FAM222A: variants seen among roughly 807,000 people sequenced by gnomAD.
FAM222A encodes protein FAM222A.
Under a neutral mutation model 25.8 loss-of-function variants are expected in FAM222A, and 7 were observed. That is an observed-to-expected ratio of 0.27 (90% CI 0.15 to 0.51). The LOEUF (loss-of-function observed/expected upper bound fraction) is 0.51. Ranked by LOEUF, FAM222A falls within the 20% of genes least tolerant of loss-of-function variation. The pLI is 0.97. For synonymous variants in FAM222A, 294 were observed against 298.8 expected, an observed-to-expected ratio of 0.98 and a Z score of 0.17; for missense variants, 573 against 640.5, an observed-to-expected ratio of 0.89 and a Z score of 1.14.
rs1433927082 is a variant in FAM222A, at chr12:109,768,872, G to T, written c.943G>T (p.Ala315Ser). 2.5e-6 allele frequency: 4 copies of T among 1,582,828 alleles called. No individual in the cohort carries two copies. The highest frequency in any genetic ancestry group is 3.4e-6 in the Non-Finnish European group (4 of 1,171,740). The change falls in exon 3 of 3, where the codon GCT (alanine) becomes TCT (serine). Residue 315 changes from alanine (A) to serine (S), a missense_variant. Ala to Ser is a moderately conservative substitution (Grantham distance 99). This residue lies in a region of FAM222A where 412 missense variants were observed against 407.0 expected (regional missense o/e 1.01). Coordinates refer to ENST00000538780, the MANE Select transcript of FAM222A (RefSeq NM_032829.3). ...GSTVASKSPE[A>S]CGGRAYERAS... is the part of the protein sequence containing the mutation. Reference sequence around the variant, plus strand: ...CACGGTGGCCAGCAAGTCCCCTGAGGCTTGCGGGGGCCGGGCATACGAGCG... The same window carrying T: ...CACGGTGGCCAGCAAGTCCCCTGAGTCTTGCGGGGGCCGGGCATACGAGCG...
intron 2 of FAM222A, among the ~76,000 whole-genome samples, chr12:109,758,500 C>T (rs1888797601): frequency 6.6e-6 from 1 of 152,152 alleles, no homozygotes; most frequent in Admixed American, 6.5e-5. Context: ...CTCAGGGGCC[C>T]TCAGGCTACC....
At chr12:109,732,052 A>G (rs1344301216) in intron 1 of FAM222A, among the ~76,000 whole-genome samples, 1 of 152,146 alleles carries the variant, frequency 6.6e-6, no homozygotes. Context: ...GGCTGTAGTC[A>G]CATCACAGTA....
chr12:109,718,789 A>G (rs1408298061), intron 1 of FAM222A, among the ~76,000 whole-genome samples: 1 of 152,246 alleles, frequency 6.6e-6, no homozygotes, highest in African/African-American at 2.4e-5. Flanking sequence ...GACTATAATT[A>G]TAAGCTACTG....
intron 1 of FAM222A, among the ~76,000 whole-genome samples, chr12:109,736,773 A>G (rs894132725): frequency 1.3e-5 from 2 of 152,160 alleles, no homozygotes; most frequent in African/African-American, 4.8e-5. Flanking sequence ...TGACATCACT[A>G]TGCTCTCAGG....
intron 2 of FAM222A, among the ~76,000 whole-genome samples, chr12:109,745,217 G>A (rs1027111573): frequency 1.3e-5 from 2 of 152,180 alleles, no homozygotes; most frequent in African/African-American, 4.8e-5. Context: ...AAATATGTAT[G>A]GAGACGCATA....
chr12:109,727,240 T>G, intron 1 of FAM222A, among the ~76,000 whole-genome samples: 2 of 150,402 alleles, frequency 1.3e-5, no homozygotes, highest in South Asian at 2.1e-4. Flanking sequence ...GCCAGCAGAG[T>G]GGGGAGAGGG....
At chr12:109,724,622 G>A (rs1030338989) in intron 1 of FAM222A, among the ~76,000 whole-genome samples, 4 of 152,180 alleles carry the variant, frequency 2.6e-5, no homozygotes, top group South Asian at 2.1e-4. Context: ...GCCAGGGTTC[G>A]ATTCTCATGC....
intron 2 of FAM222A, among the ~76,000 whole-genome samples, chr12:109,752,244 T>G (rs1888582173): frequency 6.6e-6 from 1 of 152,246 alleles, no homozygotes; most frequent in Non-Finnish European, 1.5e-5. Flanking sequence ...AAGGACATCC[T>G]GCTTCCCCCG....
chr12:109,751,437 G>T (rs1888556417), intron 2 of FAM222A, among the ~76,000 whole-genome samples: 1 of 151,972 alleles, frequency 6.6e-6, no homozygotes, highest in Non-Finnish European at 1.5e-5. Flanking sequence ...TCCTATGCTG[G>T]TTCAATTTAG....
intron 2 of FAM222A, among the ~76,000 whole-genome samples, chr12:109,765,181 G>A (rs1482103570): frequency 6.6e-6 from 1 of 152,206 alleles, no homozygotes; most frequent in Non-Finnish European, 1.5e-5. Flanking sequence ...CCCCACGTCG[G>A]GGCCTCTCCC....
chr12:109,756,587 A>G (rs980026707), intron 2 of FAM222A, among the ~76,000 whole-genome samples: 1 of 152,146 alleles, frequency 6.6e-6, no homozygotes, highest in Non-Finnish European at 1.5e-5. Context: ...TGATTTGGCA[A>G]ATGCTCTGTG....
chr12:109,744,504 C>T (rs771251020), intron 2 of FAM222A: 5 of 985,316 alleles, frequency 5.1e-6, no homozygotes, highest in Non-Finnish European at 6.0e-6. Context: ...GCCCCAACCC[C>T]GCCTCTGCAA....
At chr12:109,761,522 T>C (rs1373559759) in intron 2 of FAM222A, among the ~76,000 whole-genome samples, 1 of 152,226 alleles carries the variant, frequency 6.6e-6, no homozygotes, top group Non-Finnish European at 1.5e-5. Context: ...CAGGCTGCTG[T>C]CAGCATTTGG....
chr12:109,748,030 A>T (rs1888451249), intron 2 of FAM222A, among the ~76,000 whole-genome samples: 1 of 152,218 alleles, frequency 6.6e-6, no homozygotes, highest in Non-Finnish European at 1.5e-5. Flanking sequence ...CAGTTAGTTT[A>T]TCAGGTTAAG....
At chr12:109,765,058 A>G (rs982301151) in intron 2 of FAM222A, among the ~76,000 whole-genome samples, 3 of 152,126 alleles carry the variant, frequency 2.0e-5, no homozygotes, top group Non-Finnish European at 4.4e-5. Flanking sequence ...GCCAGGTCAG[A>G]CCACACCCTT....
In FAM222A at chr12:109,768,796, G is replaced by T. The variant is rs139486750; in HGVS notation, c.867G>T (p.Pro289=). 3.2e-6 allele frequency: 5 copies of T among 1,573,766 alleles called. No homozygotes were observed. Among genetic ancestry groups the T allele is most frequent in the African/African-American group, 2.7e-5 (2 of 74,320 alleles). The change falls in exon 3 of 3, where the codon CCG becomes CCT. Residue 289 remains proline, a synonymous_variant. Transcript: ENST00000538780. ...GCGGCCTGGATTACCTGCTGTGGCC[G>T]CAGAAACCGCCCCCACCGCCGCCCC... ...ADSGLDYLLW[P]QKPPPPPPQP...
At chr12:109,733,385 T>C (rs898454916) in intron 1 of FAM222A, among the ~76,000 whole-genome samples, 2 of 152,146 alleles carry the variant, frequency 1.3e-5, no homozygotes, top group African/African-American at 4.8e-5. Flanking sequence ...TACAATTACA[T>C]ATGAGGCTCC....
chr12:109,737,094 T>C (rs1888106831), intron 1 of FAM222A, among the ~76,000 whole-genome samples: 1 of 152,146 alleles, frequency 6.6e-6, no homozygotes, highest in African/African-American at 2.4e-5. Context: ...TTGTATGTCT[T>C]GGAGAAGCCC....
chr12:109,744,764 C>A (rs944251417), intron 2 of FAM222A: 2 of 985,116 alleles, frequency 2.0e-6, no homozygotes, highest in Non-Finnish European at 1.2e-6. Context: ...ATCATAATTT[C>A]TTTTTTAATG....
Sources: allele counts gnomAD v4.1 joint callset (sites outside exome capture counted in the v4.1 genomes callset), GRCh38; gene constraint gnomAD v4.1.1; regional missense constraint gnomAD v4.1.1; transcripts MANE v1.5; gene names NCBI Gene and HGNC (gene_info 2026-07-23, HGNC 2026-07-21).